Variants in APMAP observed in about 807,000 individuals in gnomAD.
The protein encoded by APMAP is adipocyte plasma membrane-associated protein.
Under a neutral mutation model 43.6 loss-of-function variants are expected in APMAP, and 33 were observed. That is an observed-to-expected ratio of 0.76 (90% confidence interval 0.57 to 1.01). The LOEUF (loss-of-function observed/expected upper bound fraction) is 1.01. Ranked by LOEUF, APMAP falls within the 50% of genes least tolerant of loss-of-function variation. The probability of loss-of-function intolerance (pLI) is 0.00; values close to 1 mark genes in which losing one functional copy is unlikely to be tolerated. For missense variants in APMAP, 498 were observed against 540.7 expected (o/e 0.92, Z 0.78); for synonymous variants, 224 against 216.7 (o/e 1.03, Z -0.30).
At chr20:24,969,149 CAAG>C (rs2087975079) in intron 7 of APMAP, 65 bp from the exon 8 acceptor site, 4 of 1,455,122 alleles carry the variant, frequency 2.7e-6, no homozygotes, top group Middle Eastern at 3.9e-4. Flanking sequence ...AAATTTTAGC[CAAG>C]CACCAAACTG....
At chr20:24,988,558 T>A (rs1481504723) in intron 1 of APMAP, among the ~76,000 whole-genome samples, 1 of 152,226 alleles carries the variant, frequency 6.6e-6, no homozygotes, top group African/African-American at 2.4e-5. Context: ...GAGAAGAATT[T>A]AGAGGCCACT....
intron 3 of APMAP, chr20:24,974,164 A>G (rs918396677): frequency 6.4e-6 from 1 of 155,976 alleles, no homozygotes; most frequent in Non-Finnish European, 1.4e-5. Context: ...AAATTACAGC[A>G]CATTAAGTGC....
intron 4 of APMAP, among the ~76,000 whole-genome samples, chr20:24,973,247 G>T (rs936068344): frequency 1.3e-5 from 2 of 152,210 alleles, no homozygotes; most frequent in East Asian, 3.8e-4. Flanking sequence ...TGAAATTCCT[G>T]AGACCAAGGC....
At position 24,963,510 on chromosome 20, in the gene APMAP, T is replaced by C. The variant is rs561377582; in HGVS notation, c.*303A>G. On this transcript the variant is annotated 3_prime_UTR_variant, in exon 9 of 9. Coordinates refer to ENST00000217456, the MANE Select transcript of APMAP (RefSeq NM_020531.3). ...AGCCCTGTTCCAAGTGCAAGGAGCT[T>C]CCCAAATCCTAGAGAATGACTGTAC... is the stretch of plus-strand genomic sequence containing the variant. The C allele has an allele frequency of 5.5e-4, 211 of 383,164 alleles. 1 individual carries two copies. Among genetic ancestry groups the C allele is most frequent in the South Asian group, 3.2e-3 (122 of 37,836 alleles). 23.7% of individuals were successfully genotyped at this position (383,164 alleles called of 1,614,324 possible).
rs1172465424 is a variant in APMAP at position 24,970,213 on chromosome 20, C to A, written c.697G>T (p.Gly233Cys). The A allele has an allele frequency of 6.2e-7, 1 of 1,614,164 alleles. No homozygotes were observed. Among genetic ancestry groups the A allele is most frequent in the African/African-American group, 1.3e-5 (1 of 75,052 alleles). ...AGGCCTCACCGCCCGTCATCTGTGC[C>A]CTCCATCACCAGAAGCAGGTAGTCT... ...RRDYLLLVME[G>C]TDDGRLLEYD... Residue 233 changes from glycine to cysteine, a missense_variant, in exon 6 of 9, where the codon GGC becomes TGC. Physicochemically the swap from Gly to Cys is radical, Grantham distance 159. Coordinates refer to ENST00000217456, the MANE Select transcript of APMAP (RefSeq NM_020531.3).
intron 3 of APMAP, among the ~76,000 whole-genome samples, chr20:24,975,554 T>C (rs768049229): frequency 2.5e-4 from 38 of 152,210 alleles, no homozygotes; most frequent in African/African-American, 8.7e-4. Flanking sequence ...TATTCCATGT[T>C]CATGGACAGG....
intron 1 of APMAP, among the ~76,000 whole-genome samples, chr20:24,992,239 G>T (rs1011095608): frequency 6.6e-6 from 1 of 152,178 alleles, no homozygotes; most frequent in East Asian, 1.9e-4. Context: ...GAAGGACAGC[G>T]CGAGGGGAGC....
chr20:24,982,272 ATGGTT>A (rs1568816760), intron 2 of APMAP, among the ~76,000 whole-genome samples: 2 of 96,248 alleles, frequency 2.1e-5, no homozygotes, highest in Admixed American at 2.2e-4. Context: ...GTTGGCTGTG[ATGGTT>A]CCACTGCCAT....
chr20:24,991,653 G>A (rs1184211469), intron 1 of APMAP, among the ~76,000 whole-genome samples: 2 of 152,158 alleles, frequency 1.3e-5, no homozygotes, highest in Non-Finnish European at 2.9e-5. Context: ...CACTACTGAT[G>A]AACAAATATT....
intron 6 of APMAP, 81 bp downstream of exon 6, chr20:24,970,116 C>A: frequency 6.6e-7 from 1 of 1,519,072 alleles, no homozygotes. Flanking sequence ...CTCCCTTGGT[C>A]CCTAGAAGTA....
At position 24,969,760 on chromosome 20, in the gene APMAP, C is replaced by T. The variant is rs574493444; in HGVS notation, c.714-100G>A. 3.0e-5 allele frequency: 43 copies of T among 1,443,096 alleles called. No individual in the cohort carries two copies. The South Asian group carries it at 4.9e-4, about 16-fold the overall frequency. 89.4% of individuals were successfully genotyped at this position (1,443,096 alleles called of 1,614,324 possible). ...TGAAGAAGGTGACTCCGCCTCACCC[C>T]GGAGCAACAGGCCCTGGGTGCCCTG... is the stretch of plus-strand genomic sequence containing the variant. On this transcript the variant is annotated intron_variant, in intron 6 of 8. Transcript: ENST00000217456.
chr20:24,966,582 A>G (rs895988862), intron 8 of APMAP, among the ~76,000 whole-genome samples: 1 of 152,192 alleles, frequency 6.6e-6, no homozygotes, highest in Non-Finnish European at 1.5e-5. Flanking sequence ...AATATGAAAA[A>G]CAAACCCTAC....
intron 3 of APMAP, among the ~76,000 whole-genome samples, chr20:24,978,099 T>C (rs776997799): frequency 1.1e-4 from 16 of 152,268 alleles, no homozygotes; most frequent in Non-Finnish European, 1.8e-4. Flanking sequence ...CAAGCGGCAC[T>C]TCCAAAGAAG....
intron 4 of APMAP, 116 bp downstream of exon 4, chr20:24,973,529 T>C (rs1322687952): frequency 2.0e-6 from 2 of 977,822 alleles, no homozygotes; most frequent in Non-Finnish European, 3.0e-6. Flanking sequence ...ATCTACTAGA[T>C]GGTCAGAGGT....
At chr20:24,967,092 G>A (rs541751954) in intron 8 of APMAP, among the ~76,000 whole-genome samples, 2 of 152,246 alleles carry the variant, frequency 1.3e-5, no homozygotes, top group African/African-American at 2.4e-5. Flanking sequence ...TCAGGCGTTC[G>A]AGACCAGCCT....
intron 1 of APMAP, among the ~76,000 whole-genome samples, chr20:24,985,124 A>G (rs1258260335): frequency 6.6e-6 from 1 of 152,194 alleles, no homozygotes; most frequent in African/African-American, 2.4e-5. Context: ...CTCTTTCCCA[A>G]CAACCAGCCA....
intron 8 of APMAP, among the ~76,000 whole-genome samples, chr20:24,966,607 G>A (rs2087945811): frequency 1.3e-5 from 2 of 152,162 alleles, no homozygotes; most frequent in South Asian, 2.1e-4. Context: ...GGGACATTCT[G>A]GGACACAGCT....
In APMAP at chr20:24,969,621, A is replaced by T; in HGVS notation, c.753T>A (p.Val251=). ...TCGGGAACCGCAGCTGGTCCAATAA[A>T]ACTTTTACTTCCCTGGTCACAGTAT... is the stretch of plus-strand genomic sequence containing the variant. ...EYDTVTREVK[V]LLDQLRFPNG... Residue 251 remains valine (V), a synonymous_variant, in exon 7 of 9, where the codon GTT becomes GTA. Coordinates refer to ENST00000217456, the MANE Select transcript of APMAP (RefSeq NM_020531.3). 1 of 1,614,014 alleles carries T rather than the reference A, an allele frequency of 6.2e-7. No individual in the cohort carries two copies. The highest frequency in any genetic ancestry group is 1.1e-5 in the South Asian group (1 of 91,070).
intron 1 of APMAP, among the ~76,000 whole-genome samples, chr20:24,987,167 G>A (rs141419479): frequency 6.6e-6 from 1 of 152,130 alleles, no homozygotes; most frequent in Non-Finnish European, 1.5e-5. Flanking sequence ...ATGTCAACCA[G>A]GCTGGAGTAC....
Sources: allele counts gnomAD v4.1 joint callset (sites outside exome capture counted in the v4.1 genomes callset), GRCh38; gene constraint gnomAD v4.1.1; transcripts MANE v1.5; gene names NCBI Gene and HGNC (gene_info 2026-07-23, HGNC 2026-07-21).